GRB10: variants seen among roughly 807,000 people sequenced by gnomAD.
The protein encoded by GRB10 is growth factor receptor-bound protein 10.
In GRB10, 20 loss-of-function variants were observed where a neutral mutation model predicts 80.9. The observed-to-expected ratio is 0.25, with a 90% CI of 0.17 to 0.36. GRB10 has a LOEUF of 0.36. GRB10 is among the 10% of genes least tolerant of loss of function. The pLI, the probability that GRB10 is intolerant of heterozygous loss-of-function variation, is 1.00. For synonymous variants in GRB10, 291 were observed against 291.5 expected, an observed-to-expected ratio of 1.00 and a Z score of 0.02; for missense variants, 548 against 747.7, an observed-to-expected ratio of 0.73 and a Z score of 3.12.
chr7:50,669,462 C>T (rs1419483599), intron 7 of GRB10, among the ~76,000 whole-genome samples: 1 of 152,130 alleles, frequency 6.6e-6, no homozygotes, highest in African/African-American at 2.4e-5. Flanking sequence ...GAGGAATCTA[C>T]CCCTAAGATC....
intron 12 of GRB10, 35 bp from the exon 13 acceptor site, chr7:50,612,874 C>T (rs2049832403): frequency 1.4e-6 from 2 of 1,405,416 alleles, no homozygotes; most frequent in African/African-American, 1.4e-5. Flanking sequence ...GTTAGTGTTA[C>T]ACAGGGAGTC....
chr7:50,661,137 T>G (rs1251027742), intron 7 of GRB10, among the ~76,000 whole-genome samples: 1 of 152,252 alleles, frequency 6.6e-6, no homozygotes, highest in African/African-American at 2.4e-5. Context: ...ATTCTCTCCG[T>G]GCAATACATT....
At chr7:50,693,303 C>G (rs1414675501) in intron 5 of GRB10, among the ~76,000 whole-genome samples, 1 of 152,188 alleles carries the variant, frequency 6.6e-6, no homozygotes, top group Non-Finnish European at 1.5e-5. Context: ...TTCCTCTTGA[C>G]AGTCTCTCCA....
At chr7:50,723,622 G>A (rs566955437) in intron 4 of GRB10, among the ~76,000 whole-genome samples, 17 of 152,298 alleles carry the variant, frequency 1.1e-4, no homozygotes, top group Admixed American at 4.6e-4. Flanking sequence ...GGGTTCCAGC[G>A]AAGTGCCCCT....
intron 7 of GRB10, among the ~76,000 whole-genome samples, chr7:50,643,585 C>A (rs1196475151): frequency 6.6e-6 from 1 of 152,160 alleles, no homozygotes; most frequent in African/African-American, 2.4e-5. Context: ...TGAACGAGGT[C>A]TGTAGATTTC....
At chr7:50,755,846 A>G (rs2075001371) in intron 3 of GRB10, 41 bp downstream of exon 3, 1 of 398,694 alleles carries the variant, frequency 2.5e-6, no homozygotes, top group East Asian at 3.6e-5. Flanking sequence ...ACTCTCCTGC[A>G]AAGAAAGGCA....
At chr7:50,692,590 G>C (rs995552217) in intron 5 of GRB10, among the ~76,000 whole-genome samples, 1 of 152,102 alleles carries the variant, frequency 6.6e-6, no homozygotes, top group Admixed American at 6.6e-5. Context: ...AGGGGCTCAG[G>C]ACCTTTCTGG....
intron 13 of GRB10, 147 bp from the exon 14 acceptor site, chr7:50,606,561 C>A (rs2048566219): frequency 4.3e-6 from 3 of 704,002 alleles, no homozygotes; most frequent in Non-Finnish European, 7.8e-6. Context: ...GTGCCGCTGA[C>A]CCTGATCAAC....
At chr7:50,754,793 C>G (rs1216359566) in intron 3 of GRB10, among the ~76,000 whole-genome samples, 1 of 152,206 alleles carries the variant, frequency 6.6e-6, no homozygotes, top group African/African-American at 2.4e-5. Context: ...CGTTCCCAAA[C>G]ATTCCTATGT....
chr7:50,679,275 G>A (rs757999), intron 5 of GRB10, among the ~76,000 whole-genome samples: 31,779 of 152,102 alleles, frequency 0.21, 4,049 homozygotes, highest in East Asian at 0.51. Flanking sequence ...TAAACTCAGC[G>A]AAACACATTT....
At chr7:50,659,819 G>C (rs2059058912) in intron 7 of GRB10, among the ~76,000 whole-genome samples, 1 of 152,232 alleles carries the variant, frequency 6.6e-6, no homozygotes, top group Non-Finnish European at 1.5e-5. Flanking sequence ...TACATGTGTG[G>C]GTTTTGCTTG....
chr7:50,793,269 ACT>A (rs1485460427), exon 1 of GRB10: 2 of 137,802 alleles, frequency 1.5e-5, no homozygotes, highest in East Asian at 4.6e-4. Context: ...TGCGGGCGAC[ACT>A]CGGCGTGGCC....
chr7:50,628,408 A>G (rs2053388281), intron 7 of GRB10, among the ~76,000 whole-genome samples: 1 of 152,106 alleles, frequency 6.6e-6, no homozygotes, highest in Non-Finnish European at 1.5e-5. Flanking sequence ...GTGGAGTCTG[A>G]CAGCAGAGGG....
In GRB10 at chr7:50,782,859, C is replaced by G. The variant is rs1170734224; in HGVS notation, c.-762G>C. 1 of 152,162 alleles carries G rather than the reference C, an allele frequency of 6.6e-6. No homozygotes were observed. Among genetic ancestry groups the G allele is most frequent in the Non-Finnish European group, 1.5e-5 (1 of 68,022 alleles). 9.4% of individuals were successfully genotyped at this position (152,162 alleles called of 1,614,324 possible). On this transcript the variant is annotated 5_prime_UTR_variant, in exon 1 of 19. Transcript: ENST00000401949. The surrounding 1 kb of genome is among the most constrained non-coding windows in gnomAD (Gnocchi z 6.6). ...GCGCTCCTGAGGAGCGGGAGGACGA[C>G]GGAGCAGCGCCCGGTCCTGGAGCAC...
chr7:50,680,122 C>T (rs1447713797), intron 5 of GRB10, among the ~76,000 whole-genome samples: 3 of 152,210 alleles, frequency 2.0e-5, no homozygotes, highest in Non-Finnish European at 4.4e-5. Context: ...AGCAAACCAC[C>T]TAACCACAAC....
intron 3 of GRB10, among the ~76,000 whole-genome samples, chr7:50,754,814 C>A (rs1282298594): frequency 6.6e-6 from 1 of 152,186 alleles, no homozygotes; most frequent in Non-Finnish European, 1.5e-5. Flanking sequence ...TAAGCCCTAA[C>A]CCCCAGCACT....
intron 4 of GRB10, among the ~76,000 whole-genome samples, chr7:50,724,503 CCTTCCTTCAAA>C (rs2068270962): frequency 6.6e-6 from 1 of 152,138 alleles, no homozygotes; most frequent in Non-Finnish European, 1.5e-5. Context: ...CATGAAGAGA[CCTTCCTTCAAA>C]AAAGTCAACA....
At position 50,708,611 on chromosome 7, in the gene GRB10, T is replaced by C. The variant is rs115927115; in HGVS notation, c.52-4703A>G. On this transcript the variant is annotated intron_variant, in intron 4 of 18. Coordinates refer to ENST00000401949, the MANE Select transcript of GRB10 (RefSeq NM_001350814.2). ...TAGTTTTTGTTTGTCTGTGTGTCTG[T>C]TTCCCAGCCTCGCCCATTGTGGGAA... Among the ~76,000 whole-genome samples, 1,428 of 152,020 alleles carry C rather than the reference T, an allele frequency of 9.4e-3. 24 individuals carry two copies. The highest frequency in any genetic ancestry group is 0.032 in the African/African-American group (1,340 of 41,428).
chr7:50,792,815 G>GC (rs1265682293), intron 1 of GRB10: 1 of 158,712 alleles, frequency 6.3e-6, no homozygotes, highest in East Asian at 1.8e-4. Context: ...CCAGGCGGCG[G>GC]CCCCCAGGAG....
Sources: gnomAD v4.1 joint callset for allele counts (sites outside exome capture counted in the v4.1 genomes callset) on GRCh38, gnomAD v4.1.1 for gene constraint, Gnocchi (gnomAD v3.1) non-coding constraint, MANE v1.5 for transcripts, NCBI Gene and HGNC (gene_info 2026-07-23, HGNC 2026-07-21) for gene names.